TAB2: variants seen among roughly 807,000 people sequenced by gnomAD.
TAB2 encodes the protein TGF-beta activated kinase 1 (MAP3K7) binding protein 2, also known as TGF-beta-activated kinase 1 and MAP3K7-binding protein 2.
TAB2 carries 3 observed loss-of-function variants against 65.0 expected under a neutral mutation model. The ratio of observed to expected loss-of-function variants is 0.05; its 90% CI spans 0.02 to 0.12. TAB2 has a LOEUF of 0.12. Ranked by LOEUF, TAB2 falls within the 10% of genes least tolerant of loss-of-function variation. TAB2 has a pLI of 1.00. For synonymous variants in TAB2, 298 were observed against 285.1 expected (o/e 1.05, Z -0.46); for missense variants, 623 against 840.3 (o/e 0.74, Z 3.20).
chr6:149,375,721 G>A (rs1052461643), intron 2 of TAB2, among the ~76,000 whole-genome samples: 2 of 152,080 alleles, frequency 1.3e-5, no homozygotes, highest in Admixed American at 6.5e-5. Flanking sequence ...GGGCCAATCA[G>A]GTTTGGCAAA....
chr6:149,405,514 A>G (rs1430453778), intron 6 of TAB2, among the ~76,000 whole-genome samples: 2 of 152,218 alleles, frequency 1.3e-5, no homozygotes, highest in South Asian at 2.1e-4. Flanking sequence ...ATTTCTGTAT[A>G]TGGATAAAGA....
At chr6:149,358,508 A>G (rs937765851) in intron 1 of TAB2, among the ~76,000 whole-genome samples, 14 of 152,106 alleles carry the variant, frequency 9.2e-5, no homozygotes, top group Admixed American at 8.5e-4. Context: ...TCATCAATCT[A>G]GTTATTCCTT....
chr6:149,249,620 G>T (rs1777818794), intron 1 of TAB2, among the ~76,000 whole-genome samples: 2 of 151,562 alleles, frequency 1.3e-5, no homozygotes, highest in Admixed American at 1.3e-4. Flanking sequence ...GTATGTCTCT[G>T]TCTGTGTGTG....
At chr6:149,256,784 A>G (rs750893412) in intron 1 of TAB2, among the ~76,000 whole-genome samples, 1 of 152,188 alleles carries the variant, frequency 6.6e-6, no homozygotes, top group Non-Finnish European at 1.5e-5. Context: ...TACAGCCTTT[A>G]TATTAGAGTT....
At chr6:149,356,052 A>G (rs1159230954) in intron 1 of TAB2, among the ~76,000 whole-genome samples, 1 of 152,244 alleles carries the variant, frequency 6.6e-6, no homozygotes, top group African/African-American at 2.4e-5. Context: ...TGGGCTTTCA[A>G]GTAGATTTCT....
chr6:149,320,311 A>G (rs1020702941), intron 1 of TAB2, among the ~76,000 whole-genome samples: 1 of 152,176 alleles, frequency 6.6e-6, no homozygotes, highest in South Asian at 2.1e-4. Context: ...TCCTGACCTT[A>G]GGTGATCCAC....
chr6:149,309,118 C>T (rs1779122037), intron 1 of TAB2, among the ~76,000 whole-genome samples: 2 of 151,818 alleles, frequency 1.3e-5, no homozygotes. Context: ...TATTTTTTCC[C>T]TTCCAAAAGT....
At chr6:149,308,869 T>C (rs1779117126) in intron 1 of TAB2, among the ~76,000 whole-genome samples, 1 of 152,110 alleles carries the variant, frequency 6.6e-6, no homozygotes, top group Non-Finnish European at 1.5e-5. Context: ...GTGGGGTTTT[T>C]CTCCCTTAGG....
chr6:149,242,791 A>G (rs902531726), intron 1 of TAB2, among the ~76,000 whole-genome samples: 2 of 152,180 alleles, frequency 1.3e-5, no homozygotes, highest in African/African-American at 4.8e-5. Context: ...AGTTAGACTC[A>G]TCCCCAAAGA....
At chr6:149,351,120 TTCC>T (rs1281807628) in intron 1 of TAB2, among the ~76,000 whole-genome samples, 2 of 148,146 alleles carry the variant, frequency 1.4e-5, no homozygotes, top group Non-Finnish European at 3.0e-5. Context: ...ACTTTCCCAC[TTCC>T]TCCTCAGCCC....
chr6:149,218,115 T>G (rs1777060966), upstream of TAB2: 1 of 152,182 alleles, frequency 6.6e-6, no homozygotes, highest in Non-Finnish European at 1.5e-5. Context: ...ATTTTGGGCT[T>G]TCTGCACTCA....
chr6:149,219,306 TTGTGTGTGTG>T (rs3064238), intron 1 of TAB2, among the ~76,000 whole-genome samples: 240 of 146,212 alleles, frequency 1.6e-3, no homozygotes, highest in Middle Eastern at 3.5e-3. Flanking sequence ...ATTTTAACAT[TTGTGTGTGTG>T]TGTGTGTGTG....
chr6:149,236,143 A>G (rs1408358986), intron 1 of TAB2, among the ~76,000 whole-genome samples: 1 of 152,186 alleles, frequency 6.6e-6, no homozygotes, highest in African/African-American at 2.4e-5. Context: ...AGTGCTCACT[A>G]TTTGGGAGAT....
At chr6:149,265,287 C>T (rs1778238811) in intron 1 of TAB2, among the ~76,000 whole-genome samples, 1 of 151,650 alleles carries the variant, frequency 6.6e-6, no homozygotes, top group Admixed American at 6.6e-5. Flanking sequence ...CCAGCTTTGC[C>T]AGCATTCTGT....
intron 3 of TAB2, among the ~76,000 whole-genome samples, chr6:149,388,283 A>C (rs988029123): frequency 6.6e-6 from 1 of 152,178 alleles, no homozygotes; most frequent in African/African-American, 2.4e-5. Context: ...GTGGCTCCTT[A>C]AGCCTCTGCC....
At chr6:149,327,707 T>G (rs570380489) in intron 1 of TAB2, among the ~76,000 whole-genome samples, 1 of 152,224 alleles carries the variant, frequency 6.6e-6, no homozygotes, top group Admixed American at 6.5e-5. Context: ...ATGATTAGCA[T>G]GTACCTGAAT....
chr6:149,268,573 G>T (rs1339285146), intron 1 of TAB2, among the ~76,000 whole-genome samples: 1 of 152,244 alleles, frequency 6.6e-6, no homozygotes, highest in East Asian at 1.9e-4. Context: ...ATAAATTCTC[G>T]GAGCAATTGG....
In TAB2 at chr6:149,229,817, T is replaced by C. The variant is rs1172982279; in HGVS notation, c.-121+11041T>C. ...ATCCTTGACTCCAATGGTGCCCTTG[T>C]AGGTTAAGTTTGCAAGCCATTGAGC... On this transcript the variant is annotated intron_variant, in intron 1 of 1. Coordinates refer to the TAB2 transcript ENST00000606202. 6 of 152,220 alleles carry C rather than the reference T, an allele frequency of 3.9e-5. No individual in the cohort carries two copies. The East Asian group carries it at 1.2e-3, about 29-fold the overall frequency. The allele number at this position is 152,220 out of a possible 1,614,324, so 9.4% of individuals were successfully genotyped here.
chr6:149,379,049 G>A lies in TAB2; in HGVS notation c.1134G>A (p.Glu378=). 1.2e-6 allele frequency: 2 copies of A among 1,614,200 alleles called. No individual in the cohort carries two copies. The highest frequency in any genetic ancestry group is 1.7e-6 in the Non-Finnish European group (2 of 1,180,046). ...YIAASPPNTD[E]LMSRSQPKVY... is the part of the protein sequence containing the mutation. ...CTGCCAGCCCCCCAAATACGGATGA[G>A]CTGATGTCCCGTAGTCAACCTAAGG... The change falls in exon 3 of 7, where the codon GAG becomes GAA. Residue 378 remains glutamate (E), a synonymous_variant. Transcript: ENST00000637181.
Sources: allele counts gnomAD v4.1 joint callset (sites outside exome capture counted in the v4.1 genomes callset), GRCh38; gene constraint gnomAD v4.1.1; transcripts MANE v1.5; gene names NCBI Gene and HGNC (gene_info 2026-07-23, HGNC 2026-07-21).